NUP210: variants seen among roughly 807,000 people sequenced by gnomAD.
NUP210 encodes the protein nucleoporin 210.
Under a neutral mutation model 196.0 loss-of-function variants are expected in NUP210, and 151 were observed. The observed-to-expected ratio is 0.77, with a 90% CI of 0.67 to 0.88. The LOEUF (loss-of-function observed/expected upper bound fraction) is 0.88. Among genes scored for constraint, NUP210 ranks in the 40% least tolerant of loss-of-function variants. The probability of loss-of-function intolerance (pLI) is 0.00; values close to 1 mark genes in which losing one functional copy is unlikely to be tolerated. For missense variants in NUP210, 2,314 were observed against 2,493.7 expected, an observed-to-expected ratio of 0.93 and a Z score of 1.53; for synonymous variants, 1,070 against 1,052.7, an observed-to-expected ratio of 1.02 and a Z score of -0.32.
chr3:13,363,434 G>C (rs1698433801), intron 14 of NUP210, among the ~76,000 whole-genome samples: 1 of 152,198 alleles, frequency 6.6e-6, no homozygotes, highest in Non-Finnish European at 1.5e-5. Flanking sequence ...AAGGAGCTGT[G>C]TGTTCTACAA....
intron 3 of NUP210, among the ~76,000 whole-genome samples, chr3:13,392,193 C>T (rs572481373): frequency 6.6e-5 from 10 of 152,310 alleles, no homozygotes; most frequent in African/African-American, 1.9e-4. Context: ...TAGAGTCTGA[C>T]GGGCCTGGGG....
intron 1 of NUP210, among the ~76,000 whole-genome samples, chr3:13,415,443 C>T (rs1031464728): frequency 2.0e-5 from 3 of 152,102 alleles, no homozygotes; most frequent in Non-Finnish European, 4.4e-5. Flanking sequence ...CAGATGATAA[C>T]GCAATCGACC....
At chr3:13,342,955 T>C (rs1576364065) in intron 21 of NUP210, among the ~76,000 whole-genome samples, 1 of 152,184 alleles carries the variant, frequency 6.6e-6, no homozygotes. Context: ...CCAAGCCTCA[T>C]GGGTATGTCA....
At chr3:13,358,416 G>C in intron 15 of NUP210, 21 bp from the exon 16 acceptor site, 1 of 1,590,846 alleles carries the variant, frequency 6.3e-7, no homozygotes, top group South Asian at 1.1e-5. Context: ...ACAGTGAACA[G>C]TCAGACCCCC....
intron 20 of NUP210, among the ~76,000 whole-genome samples, chr3:13,351,445 A>C (rs891691440): frequency 6.6e-6 from 1 of 152,252 alleles, no homozygotes; most frequent in African/African-American, 2.4e-5. Context: ...GAATCAGAGA[A>C]TCTAAAGACC....
At chr3:13,391,680 T>C (rs574563203) in intron 3 of NUP210, among the ~76,000 whole-genome samples, 1 of 142,972 alleles carries the variant, frequency 7.0e-6, no homozygotes, top group East Asian at 2.2e-4. Flanking sequence ...CCTGGGCCAT[T>C]CATTCCTGCT....
chr3:13,417,860 G>C (rs1270452244), intron 1 of NUP210, among the ~76,000 whole-genome samples: 2 of 152,058 alleles, frequency 1.3e-5, no homozygotes, highest in African/African-American at 4.8e-5. Flanking sequence ...TTCCTACCAA[G>C]TAAATTAAAA....
rs1351411168 is a variant in NUP210 at position 13,340,995 on chromosome 3, GAAGA to G, written c.3229-701_3229-698del. ...GGCAGAAACAAATTTCTCATCACCA[GAAGA>G]AAGGTGCACCTCCATCTAGAGACAC... On this transcript the variant is annotated intron_variant, in intron 23 of 39. Transcript: ENST00000254508. The surrounding 1 kb of genome is among the most constrained non-coding windows in gnomAD (Gnocchi z 4.0). 1 of 152,270 alleles carries G rather than the reference GAAGA, an allele frequency of 6.6e-6. No individual in the cohort carries two copies. The highest frequency in any genetic ancestry group is 2.4e-5 in the African/African-American group (1 of 41,452). 9.4% of individuals were successfully genotyped at this position (152,270 alleles called of 1,614,324 possible).
intron 16 of NUP210, chr3:13,354,559 TC>T (rs1698103190): frequency 6.2e-6 from 1 of 160,932 alleles, no homozygotes; most frequent in East Asian, 1.9e-4. Flanking sequence ...CTGCTCTCCT[TC>T]CCCTCTGCCC....
rs74450769 is a variant in NUP210 at position 13,348,791 on chromosome 3, G to A, written c.2835+3088C>T. 7.6e-4 allele frequency: 753 copies of A among 985,368 alleles called. 6 individuals carry two copies. The African/African-American group carries it at 0.013, about 17-fold the overall frequency. 61.0% of individuals were successfully genotyped at this position (985,368 alleles called of 1,614,324 possible). ...AGTGGGACTCCCTCCCCCTCCTTGA[G>A]GCACGGCGCTGAGAAAACATCCTCT... is the stretch of plus-strand genomic sequence containing the variant. On this transcript the variant is annotated intron_variant, in intron 20 of 39. Transcript: ENST00000254508. This position sits in a 1 kb window ranked among gnomAD's most constrained non-coding sequence, Gnocchi z 4.0.
chr3:13,379,547 C>A lies in NUP210; in HGVS notation c.976+16G>T. On this transcript the variant is annotated intron_variant, in intron 7 of 39. Coordinates refer to ENST00000254508, the MANE Select transcript of NUP210 (RefSeq NM_024923.4). This position sits in a 1 kb window ranked among gnomAD's most constrained non-coding sequence, Gnocchi z 4.2. ...TCCGCCATGCCTAAGAACACACAAG[C>A]CCAAGAAAAGGATATTCCTGTGGCC... 3.7e-6 allele frequency: 6 copies of A among 1,614,086 alleles called. No homozygotes were observed. Among genetic ancestry groups the A allele is most frequent in the Non-Finnish European group, 5.1e-6 (6 of 1,180,010 alleles).
intron 1 of NUP210, among the ~76,000 whole-genome samples, chr3:13,412,766 G>T (rs9881800): frequency 0.22 from 33,807 of 150,706 alleles, 5,981 homozygotes; most frequent in African/African-American, 0.5. Flanking sequence ...GGTCAGGAGA[G>T]CAAGACCATC....
rs920855087 is a variant in NUP210 at position 13,347,917 on chromosome 3, A to G, written c.2835+3962T>C. Among the ~76,000 whole-genome samples the G allele has an allele frequency of 2.0e-5, 3 of 152,220 alleles. No homozygotes were observed. Among genetic ancestry groups the G allele is most frequent in the African/African-American group, 4.8e-5 (2 of 41,456 alleles). ...GAGTCTTTGGCACAAGCCTGAAATG[A>G]AGGGAGGTGAAGACCCCAGTGGGCA... On this transcript the variant is annotated intron_variant, in intron 20 of 39. Transcript: ENST00000254508. The surrounding 1 kb of genome is among the most constrained non-coding windows in gnomAD (Gnocchi z 4.7).
chr3:13,337,355 G>C (rs2124853810), intron 26 of NUP210, among the ~76,000 whole-genome samples: 1 of 152,346 alleles, frequency 6.6e-6, no homozygotes, highest in Non-Finnish European at 1.5e-5. Flanking sequence ...GGCACAGGCG[G>C]AGGCAAGACG....
At position 13,340,855 on chromosome 3, in the gene NUP210, C is replaced by G. The variant is rs957470437; in HGVS notation, c.3229-557G>C. ...TTGCAGCAGGTGAAGCCCCCACCTG[C>G]TCCTCCTGAAACCCCTACAAGAGCC... On this transcript the variant is annotated intron_variant, in intron 23 of 39. Coordinates refer to ENST00000254508, the MANE Select transcript of NUP210 (RefSeq NM_024923.4). The surrounding 1 kb of genome is among the most constrained non-coding windows in gnomAD (Gnocchi z 4.0). Among the ~76,000 whole-genome samples the G allele has an allele frequency of 6.6e-6, 1 of 152,152 alleles. No individual in the cohort carries two copies. Among genetic ancestry groups the G allele is most frequent in the South Asian group, 2.1e-4 (1 of 4,824 alleles).
intron 31 of NUP210, 105 bp downstream of exon 31, chr3:13,328,666 C>T (rs1219622623): frequency 2.0e-5 from 22 of 1,096,924 alleles, no homozygotes; most frequent in Non-Finnish European, 2.6e-5. Flanking sequence ...TGAAGTAATA[C>T]ACATCTTCCT....
chr3:13,317,633 G>A lies in NUP210; in HGVS notation c.*48C>T. On this transcript the variant is annotated 3_prime_UTR_variant, in exon 40 of 40. Transcript: ENST00000254508. ...GCAGCAGGGATGTTCCATCTTGGGG[G>A]TGCACGAGGCTCGGCTGAGACCCAT... 1 of 1,332,800 alleles carries A rather than the reference G, an allele frequency of 7.5e-7. No individual in the cohort carries two copies. The highest frequency in any genetic ancestry group is 1.1e-6 in the Non-Finnish European group (1 of 946,416). 82.6% of individuals were successfully genotyped at this position (1,332,800 alleles called of 1,614,324 possible).
intron 21 of NUP210, 53 bp downstream of exon 21, chr3:13,343,122 T>G: frequency 6.2e-7 from 1 of 1,605,740 alleles, no homozygotes; most frequent in Non-Finnish European, 8.5e-7. Flanking sequence ...GTCCCCTCCC[T>G]CCCAGTTCCT....
intron 2 of NUP210, among the ~76,000 whole-genome samples, chr3:13,397,971 C>T (rs563961001): frequency 5.9e-5 from 9 of 152,274 alleles, no homozygotes; most frequent in South Asian, 2.1e-4. Flanking sequence ...TTTTTACTTG[C>T]TCCATAAATA....
Sources: gnomAD v4.1 joint callset for allele counts (sites outside exome capture counted in the v4.1 genomes callset) on GRCh38, gnomAD v4.1.1 for gene constraint, Gnocchi (gnomAD v3.1) non-coding constraint, MANE v1.5 for transcripts, NCBI Gene and HGNC (gene_info 2026-07-23, HGNC 2026-07-21) for gene names.